The following EHBP1 variants were observed in gnomAD, a reference collection of about 807,000 sequenced individuals.
EHBP1 encodes the protein EH domain binding protein 1.
EHBP1 carries 55 observed loss-of-function variants against 144.0 expected under a neutral mutation model. That is an observed-to-expected ratio of 0.38 (90% confidence interval 0.31 to 0.48). EHBP1 has a LOEUF of 0.48. Among genes scored for constraint, EHBP1 ranks in the 20% least tolerant of loss-of-function variants. The probability of loss-of-function intolerance (pLI) is 0.98; values close to 1 mark genes in which losing one functional copy is unlikely to be tolerated. For synonymous variants in EHBP1, 469 were observed against 472.7 expected (o/e 0.99, Z 0.10); for missense variants, 1,200 against 1,364.2 (o/e 0.88, Z 1.90).
At chr2:62,741,053 G>A (rs1445587077) in intron 2 of EHBP1, among the ~76,000 whole-genome samples, 1 of 152,154 alleles carries the variant, frequency 6.6e-6, no homozygotes, top group Admixed American at 6.6e-5. Context: ...TAGAGAGGGT[G>A]TTCCAGGTCA....
intron 7 of EHBP1, among the ~76,000 whole-genome samples, chr2:62,848,497 A>G (rs983187873): frequency 1.3e-5 from 2 of 152,222 alleles, no homozygotes; most frequent in Non-Finnish European, 2.9e-5. Context: ...ATTCATAGCA[A>G]TTTATTCGTA....
chr2:63,036,860 T>TA (rs2061459927), intron 19 of EHBP1, among the ~76,000 whole-genome samples: 1 of 151,932 alleles, frequency 6.6e-6, no homozygotes, highest in Admixed American at 6.6e-5. Context: ...GTATCTCCTG[T>TA]GTACAATCAG....
At chr2:62,896,691 A>C (rs2052965906) in intron 10 of EHBP1, among the ~76,000 whole-genome samples, 1 of 151,676 alleles carries the variant, frequency 6.6e-6, no homozygotes. Flanking sequence ...TAAAAAAAAA[A>C]AAAACAAAAA....
chr2:62,787,394 G>GCCCCCCCCCCCCCCCCCC (rs72201800), intron 5 of EHBP1, among the ~76,000 whole-genome samples: 18 of 70,490 alleles, frequency 2.6e-4, no homozygotes, highest in South Asian at 5.4e-4. Flanking sequence ...CTGCACCGCT[G>GCCCCCCCCCCCCCCCCCC]CCCCCCCCCC....
At chr2:62,972,970 A>G (rs192935133) in intron 14 of EHBP1, among the ~76,000 whole-genome samples, 9 of 152,294 alleles carry the variant, frequency 5.9e-5, no homozygotes, top group African/African-American at 2.2e-4. Context: ...ATTTTTTTCT[A>G]TTGTGTAGAG....
intron 3 of EHBP1, among the ~76,000 whole-genome samples, chr2:62,762,474 G>T (rs1009436760): frequency 6.6e-6 from 1 of 152,094 alleles, no homozygotes; most frequent in African/African-American, 2.4e-5. Context: ...ATATCTAAGA[G>T]GCAACTCATA....
intron 1 of EHBP1, among the ~76,000 whole-genome samples, chr2:62,693,399 TA>T (rs1225482239): frequency 2.6e-5 from 4 of 152,176 alleles, no homozygotes; most frequent in African/African-American, 9.6e-5. Flanking sequence ...TTTGAGCTTG[TA>T]ATAATTCTTC....
At chr2:62,684,686 A>G (rs1318567274) in intron 1 of EHBP1, among the ~76,000 whole-genome samples, 3 of 152,258 alleles carry the variant, frequency 2.0e-5, no homozygotes, top group South Asian at 4.1e-4. Context: ...GCTAAAAAAT[A>G]TTAAAGCCCA....
At chr2:62,926,900 G>A (rs1417252723) in intron 10 of EHBP1, among the ~76,000 whole-genome samples, 1 of 152,012 alleles carries the variant, frequency 6.6e-6, no homozygotes, top group Non-Finnish European at 1.5e-5. Context: ...CGTGTTTATT[G>A]CAGCACTGGT....
At chr2:62,760,321 T>C (rs1573192099) in intron 3 of EHBP1, among the ~76,000 whole-genome samples, 2 of 152,284 alleles carry the variant, frequency 1.3e-5, no homozygotes, top group Middle Eastern at 6.8e-3. Context: ...AGCCAGGTTG[T>C]ACAGCCCCAG....
Position 62,948,490 on chromosome 2 carries a change from A to T in EHBP1, c.1644A>T (p.Lys548Asn). Reference protein sequence around the residue: ...TDTNSSVDQEKFYAELSDLKR... With the variant: ...TDTNSSVDQENFYAELSDLKR... ...CAAACAGTTCTGTTGATCAAGAAAA[A>T]TTCTATGCAGAGCTTAGTGATCTGA... The change falls in exon 13 of 23, where the codon AAA (lysine) becomes AAT (asparagine). Residue 548 changes from lysine (K) to asparagine (N), a missense_variant. Coordinates refer to ENST00000431489, the MANE Select transcript of EHBP1 (RefSeq NM_001142616.3). 1 of 1,613,638 alleles carries T rather than the reference A, an allele frequency of 6.2e-7. No individual in the cohort carries two copies. Among genetic ancestry groups the T allele is most frequent in the Admixed American group, 1.7e-5 (1 of 59,996 alleles).
chr2:62,929,616 A>G (rs1223714563), intron 10 of EHBP1, among the ~76,000 whole-genome samples: 2 of 151,616 alleles, frequency 1.3e-5, no homozygotes, highest in African/African-American at 4.8e-5. Flanking sequence ...CACAGAAAAT[A>G]TCATATTCAA....
At chr2:62,683,658 CAA>C (rs397936534) in intron 1 of EHBP1, among the ~76,000 whole-genome samples, 172 of 50,128 alleles carry the variant, frequency 3.4e-3, no homozygotes, top group South Asian at 0.015. Flanking sequence ...GACTCCATCT[CAA>C]AAAAAAAAAA....
chr2:62,870,562 C>G (rs2050378719), intron 9 of EHBP1, among the ~76,000 whole-genome samples: 1 of 151,354 alleles, frequency 6.6e-6, no homozygotes, highest in Non-Finnish European at 1.5e-5. Context: ...ACTAAAAATA[C>G]AAAATTAGCT....
At chr2:63,036,612 A>G (rs2061450322) in intron 19 of EHBP1, among the ~76,000 whole-genome samples, 1 of 152,036 alleles carries the variant, frequency 6.6e-6, no homozygotes, top group Non-Finnish European at 1.5e-5. Flanking sequence ...GTCATGGGAA[A>G]AATTCAGTAA....
chr2:62,809,205 C>T (rs535971297), intron 5 of EHBP1, among the ~76,000 whole-genome samples: 66 of 148,712 alleles, frequency 4.4e-4, no homozygotes, highest in African/African-American at 1.6e-3. Context: ...GCAGGAGAAT[C>T]ACTTGAACCT....
chr2:62,996,298 C>G (rs557451031), intron 18 of EHBP1, among the ~76,000 whole-genome samples: 1 of 152,168 alleles, frequency 6.6e-6, no homozygotes, highest in East Asian at 1.9e-4. Context: ...TTTTGATAAT[C>G]ACAAAGGGGA....
intron 8 of EHBP1, among the ~76,000 whole-genome samples, chr2:62,859,872 A>T (rs1168278649): frequency 6.6e-6 from 1 of 152,202 alleles, no homozygotes; most frequent in Non-Finnish European, 1.5e-5. Flanking sequence ...CTGTTACAGA[A>T]GTGAGACTTC....
In EHBP1 at chr2:62,940,667, C is replaced by T. The variant is rs180773548; in HGVS notation, c.1186-2051C>T. Among the ~76,000 whole-genome samples, 39 of 152,128 alleles carry T rather than the reference C, an allele frequency of 2.6e-4. No individual in the cohort carries two copies. The East Asian group carries it at 3.7e-3, about 14-fold the overall frequency. ...TGGAGTAGATGATTTCATTTAACAA[C>T]GGCTCTATGATTTTCTTTCTTTGTA... On this transcript the variant is annotated intron_variant, in intron 10 of 22. Transcript: ENST00000431489.
Sources: allele counts gnomAD v4.1 joint callset (sites outside exome capture counted in the v4.1 genomes callset), GRCh38; gene constraint gnomAD v4.1.1; transcripts MANE v1.5; gene names NCBI Gene and HGNC (gene_info 2026-07-23, HGNC 2026-07-21).